PCDHA4: variants seen among roughly 807,000 people sequenced by gnomAD.
PCDHA4 encodes the protein protocadherin alpha 4, also known as protocadherin alpha-4.
In PCDHA4, 49 loss-of-function variants were observed where a neutral mutation model predicts 61.4. That is an observed-to-expected ratio of 0.80 (90% CI 0.63 to 1.01). The LOEUF (loss-of-function observed/expected upper bound fraction) is 1.01. PCDHA4 is among the 50% of genes least tolerant of loss of function. PCDHA4 has a pLI of 0.00. For synonymous variants in PCDHA4, 590 were observed against 550.3 expected (o/e 1.07, Z -1.01); for missense variants, 1,254 against 1,235.8 (o/e 1.01, Z -0.22).
At position 140,940,270 on chromosome 5, in the gene PCDHA4, G is replaced by A. The variant is rs1236320412; in HGVS notation, c.2386-38679G>A. Among the ~76,000 whole-genome samples, 4 of 152,094 alleles carry A rather than the reference G, an allele frequency of 2.6e-5. No homozygotes were observed. In the East Asian group the frequency reaches 7.7e-4, roughly 29 times the overall value. ...TCCTCAATATCTTCTGGGTTCCACT[G>A]TTGTCTCATTGTGCTGCTTCATCAG... On this transcript the variant is annotated intron_variant, in intron 1 of 3. Transcript: ENST00000530339.
Position 140,843,574 on chromosome 5 carries a change from G to T in PCDHA4, c.2385+34002G>T, listed in dbSNP as rs2150362915. On this transcript the variant is annotated intron_variant, in intron 1 of 3. Transcript: ENST00000530339. ...GTGCGGTGGGGAGCTGGTCATACTC[G>T]CAACAACAGCCGCAGAGGGTGTGCT... 67 of 1,595,908 alleles carry T rather than the reference G, an allele frequency of 4.2e-5. 3 individuals are homozygous for T. The East Asian group carries it at 1.4e-3, about 34-fold the overall frequency.
At chr5:140,881,798 A>G (rs2153381417) in intron 1 of PCDHA4, among the ~76,000 whole-genome samples, 1 of 152,372 alleles carries the variant, frequency 6.6e-6, no homozygotes, top group South Asian at 2.1e-4. Context: ...TTGTCCCAAA[A>G]CGAGTGTCGA....
chr5:141,001,518 C>G (rs573560944), intron 3 of PCDHA4, among the ~76,000 whole-genome samples: 2 of 152,272 alleles, frequency 1.3e-5, no homozygotes, highest in East Asian at 1.9e-4. Context: ...AGCTTTCTCC[C>G]TCTCTCTCTG....
At chr5:140,980,189 A>T (rs2096879459) in intron 2 of PCDHA4, among the ~76,000 whole-genome samples, 1 of 152,226 alleles carries the variant, frequency 6.6e-6, no homozygotes, top group African/African-American at 2.4e-5. Context: ...CTTTATATTT[A>T]TTAGAGACCA....
At chr5:140,893,380 C>A (rs1554185596) in intron 1 of PCDHA4, among the ~76,000 whole-genome samples, 1 of 152,130 alleles carries the variant, frequency 6.6e-6, no homozygotes, top group African/African-American at 2.4e-5. Context: ...ATTTATGGGA[C>A]AGTGGCTCAT....
Position 140,882,921 on chromosome 5 carries a change from G to A in PCDHA4, c.2385+73349G>A, listed in dbSNP as rs1554176106. ...TTATTACTGACAGCCAGTGATGGAG[G>A]TAAACCCGAGCTGACTGGCACAGTT... On this transcript the variant is annotated intron_variant, in intron 1 of 3. Coordinates refer to ENST00000530339, the MANE Select transcript of PCDHA4 (RefSeq NM_018907.4). 5.0e-6 allele frequency: 8 copies of A among 1,614,194 alleles called. No individual in the cohort carries two copies. Among genetic ancestry groups the A allele is most frequent in the Non-Finnish European group, 6.8e-6 (8 of 1,180,048 alleles).
chr5:140,928,902 C>T, intron 1 of PCDHA4: 1 of 1,614,164 alleles, frequency 6.2e-7, no homozygotes, highest in Non-Finnish European at 8.5e-7. Flanking sequence ...TTGAAGATGT[C>T]TGGGAACCAG....
chr5:140,877,547 C>T lies in PCDHA4; in HGVS notation c.2385+67975C>T, dbSNP rs782342116. ...GTGGGCGCTGTGGATCCCGAAGCGG[C>T]TCTGGTGGATATTAACGTGTACCTC... On this transcript the variant is annotated intron_variant, in intron 1 of 3. Transcript: ENST00000530339. The T allele has an allele frequency of 2.5e-6, 4 of 1,613,656 alleles. No individual in the cohort carries two copies. The highest frequency in any genetic ancestry group is 1.3e-5 in the African/African-American group (1 of 74,930).
chr5:140,837,517 T>G (rs11420784), intron 1 of PCDHA4, among the ~76,000 whole-genome samples: 2 of 28,958 alleles, frequency 6.9e-5, no homozygotes, highest in African/African-American at 3.1e-4. Context: ...AGCAGTTTAC[T>G]TTTTTTGTAT....
intron 1 of PCDHA4, among the ~76,000 whole-genome samples, chr5:140,818,289 T>C (rs2150100721): frequency 6.6e-6 from 1 of 152,350 alleles, no homozygotes; most frequent in Non-Finnish European, 1.5e-5. Flanking sequence ...AATCCATGTT[T>C]TATTCTGACC....
chr5:140,882,330 T>C (rs1554173536), intron 1 of PCDHA4: 26 of 1,614,056 alleles, frequency 1.6e-5, no homozygotes, highest in Non-Finnish European at 2.1e-5. Context: ...CTTCTGATCC[T>C]CGCAGCCTGG....
intron 1 of PCDHA4, chr5:140,853,873 G>T (rs1238273560): frequency 1.0e-6 from 1 of 983,500 alleles, no homozygotes; most frequent in Non-Finnish European, 1.2e-6. Context: ...GACAGTGCAA[G>T]TTTCTGTAAT....
At chr5:140,949,783 G>A (rs1181020228) in intron 1 of PCDHA4, among the ~76,000 whole-genome samples, 1 of 151,784 alleles carries the variant, frequency 6.6e-6, no homozygotes, top group Non-Finnish European at 1.5e-5. Context: ...GATATGTTTA[G>A]ATTTGTGTCC....
Position 140,843,444 on chromosome 5 carries a change from C to G in PCDHA4, c.2385+33872C>G. The G allele has an allele frequency of 1.3e-6, 2 of 1,596,146 alleles. 1 individual carries two copies. ...CTGATCATCGCCATCTGCGCGGTAT[C>G]CAGCCTGCTGGTGCTCACGCTGCTG... On this transcript the variant is annotated intron_variant, in intron 1 of 3. Transcript: ENST00000530339.
intron 1 of PCDHA4, among the ~76,000 whole-genome samples, chr5:140,895,055 A>T (rs1313066261): frequency 2.0e-5 from 3 of 152,118 alleles, no homozygotes; most frequent in Non-Finnish European, 4.4e-5. Flanking sequence ...ATTCTGCTTC[A>T]TATGGACTCA....
intron 1 of PCDHA4, among the ~76,000 whole-genome samples, chr5:140,934,143 A>T (rs1335256190): frequency 6.6e-6 from 1 of 152,000 alleles, no homozygotes; most frequent in Non-Finnish European, 1.5e-5. Context: ...TTCCTTCCTT[A>T]TATGTTTATA....
At chr5:140,843,361 G>T in intron 1 of PCDHA4, 1 of 1,596,046 alleles carries the variant, frequency 6.3e-7, no homozygotes, top group South Asian at 1.1e-5. Context: ...AAGCGTCATC[G>T]AGGCAGTCGG....
chr5:140,977,899 C>A (rs1193855952), intron 1 of PCDHA4, among the ~76,000 whole-genome samples: 1 of 152,124 alleles, frequency 6.6e-6, no homozygotes, highest in East Asian at 1.9e-4. Context: ...CAAAATACAA[C>A]TTTTATCCCC....
At chr5:140,826,265 A>G (rs1356174007) in intron 1 of PCDHA4, among the ~76,000 whole-genome samples, 3 of 152,202 alleles carry the variant, frequency 2.0e-5, no homozygotes, top group Non-Finnish European at 4.4e-5. Context: ...TCAAGTCTTT[A>G]TGTATATTTT....
Sources: allele counts gnomAD v4.1 joint callset (sites outside exome capture counted in the v4.1 genomes callset), GRCh38; gene constraint gnomAD v4.1.1; transcripts MANE v1.5; gene names NCBI Gene and HGNC (gene_info 2026-07-23, HGNC 2026-07-21).